Variants in MYRIP observed in about 807,000 individuals in gnomAD.
The protein encoded by MYRIP is rab effector MyRIP.
MYRIP carries 49 observed loss-of-function variants against 98.0 expected under a neutral mutation model. That is an observed-to-expected ratio of 0.50 (90% confidence interval 0.40 to 0.63). The LOEUF (loss-of-function observed/expected upper bound fraction) is 0.63, where lower values mean the gene tolerates loss of function less well. Ranked by LOEUF, MYRIP falls within the 30% of genes least tolerant of loss-of-function variation. The probability of loss-of-function intolerance (pLI) is 0.00; values close to 1 mark genes in which losing one functional copy is unlikely to be tolerated. For synonymous variants in MYRIP, 404 were observed against 409.5 expected (o/e 0.99, Z 0.16); for missense variants, 1,004 against 1,058.2 (o/e 0.95, Z 0.71).
chr3:40,164,027 A>T (rs1950453411), intron 5 of MYRIP, among the ~76,000 whole-genome samples: 1 of 152,058 alleles, frequency 6.6e-6, no homozygotes, highest in Admixed American at 6.6e-5. Flanking sequence ...CTACACTCAG[A>T]TTTCTAATGC....
intron 2 of MYRIP, among the ~76,000 whole-genome samples, chr3:39,974,193 A>G (rs1235536925): frequency 2.6e-5 from 4 of 152,170 alleles, no homozygotes; most frequent in African/African-American, 9.7e-5. Context: ...AATCAAATAG[A>G]CGCAATAAAA....
Position 40,233,983 on chromosome 3 carries a change from A to T in MYRIP, c.2030A>T (p.Gln677Leu). 6.2e-7 allele frequency: 1 copy of T among 1,613,582 alleles called. No individual in the cohort carries two copies. The highest frequency in any genetic ancestry group is 1.1e-5 in the South Asian group (1 of 90,882). Residue 677 changes from glutamine (Q) to leucine (L), a missense_variant, in exon 12 of 17, where the codon CAG becomes CTG. Gln to Leu is a moderately radical substitution (Grantham distance 113, BLOSUM62 -2). Coordinates refer to ENST00000302541, the MANE Select transcript of MYRIP (RefSeq NM_015460.4). ...TCCCCACAAGTCCCTCCTGACAGAC[A>T]GAAGGGGATGTTTCCTCGTGGGACA... Reference protein sequence around the residue: ...WESPQVPPDRQKGMFPRGTDQ... With the variant: ...WESPQVPPDRLKGMFPRGTDQ...
chr3:39,946,799 G>T (rs1165324629), intron 2 of MYRIP, among the ~76,000 whole-genome samples: 1 of 152,150 alleles, frequency 6.6e-6, no homozygotes, highest in Non-Finnish European at 1.5e-5. Context: ...ATGACCCATG[G>T]AAACTGAGGG....
Position 40,035,624 on chromosome 3 carries a change from G to A in MYRIP, c.111-8426G>A, listed in dbSNP as rs542188280. 1.3e-4 allele frequency among the ~76,000 whole-genome samples: 20 copies of A among 152,016 alleles called. No homozygotes were observed. The South Asian group carries it at 3.7e-3, about 28-fold the overall frequency. ...CAATTATTTTTAGAAAAAAGTATAGGAACCAAGGAATGAATGGCACCAAGG... is the reference window on the plus strand; with the variant it reads ...CAATTATTTTTAGAAAAAAGTATAGAAACCAAGGAATGAATGGCACCAAGG... On this transcript the variant is annotated intron_variant, in intron 2 of 16. Coordinates refer to ENST00000302541, the MANE Select transcript of MYRIP (RefSeq NM_015460.4).
chr3:40,099,413 C>G (rs1040516589), intron 3 of MYRIP, among the ~76,000 whole-genome samples: 2 of 151,854 alleles, frequency 1.3e-5, no homozygotes, highest in Middle Eastern at 3.2e-3. Context: ...TTTATGAAAC[C>G]AGGGTGAAGG....
intron 4 of MYRIP, among the ~76,000 whole-genome samples, chr3:40,159,321 C>T (rs1282066793): frequency 1.3e-5 from 2 of 152,000 alleles, no homozygotes; most frequent in South Asian, 2.1e-4. Flanking sequence ...TGAATATTGG[C>T]CCCCACTCTC....
intron 11 of MYRIP, among the ~76,000 whole-genome samples, chr3:40,232,286 G>A (rs571262313): frequency 1.3e-5 from 2 of 152,204 alleles, no homozygotes; most frequent in Non-Finnish European, 2.9e-5. Flanking sequence ...CCCCAGAACG[G>A]CTTGACAGGT....
chr3:40,017,547 G>T (rs771384786), intron 2 of MYRIP, among the ~76,000 whole-genome samples: 3 of 152,034 alleles, frequency 2.0e-5, no homozygotes, highest in Admixed American at 6.5e-5. Flanking sequence ...ATCTCTGTTT[G>T]TTTTGCTTGA....
intron 1 of MYRIP, among the ~76,000 whole-genome samples, chr3:39,845,813 C>G (rs1485478829): frequency 6.8e-6 from 1 of 147,612 alleles, no homozygotes; most frequent in Non-Finnish European, 1.5e-5. Flanking sequence ...GAGCAGTTGC[C>G]CTGCAGCACT....
chr3:40,039,502 A>G (rs191182975), intron 2 of MYRIP, among the ~76,000 whole-genome samples: 2 of 152,210 alleles, frequency 1.3e-5, no homozygotes, highest in Admixed American at 1.3e-4. Context: ...GGATCTTGCA[A>G]CATGAAGATC....
chr3:40,105,250 C>T (rs1949030594), intron 3 of MYRIP, among the ~76,000 whole-genome samples: 2 of 152,140 alleles, frequency 1.3e-5, no homozygotes, highest in Admixed American at 1.3e-4. Flanking sequence ...CCAGCTGAGC[C>T]ATCTCCTAAA....
rs1951682360 is a variant in MYRIP at position 40,204,002 on chromosome 3, ATATAT to A, written c.1666-5846_1666-5842del. Among the ~76,000 whole-genome samples, 2 of 5,528 alleles carry A rather than the reference ATATAT, an allele frequency of 3.6e-4. 1 individual carries two copies. The highest frequency in any genetic ancestry group is 9.5e-4 in the African/African-American group (2 of 2,106). 3.6% of individuals were successfully genotyped at this position (5,528 alleles called of 152,430 possible). A position where few individuals can be genotyped will look rare whatever the true frequency, so the allele number is the denominator to read the frequency against. On this transcript the variant is annotated intron_variant, in intron 10 of 16. Transcript: ENST00000302541. Reference sequence around the variant, plus strand: ...ATATATAATATATATTATATATATTATATATTATATATAATATATATTATATATAT... The same window carrying A: ...ATATATAATATATATTATATATATTATATATATAATATATATTATATATAT...
intron 10 of MYRIP, among the ~76,000 whole-genome samples, chr3:40,194,606 G>A (rs2261590): frequency 0.87 from 131,434 of 151,634 alleles, 57,275 homozygotes; most frequent in Middle Eastern, 0.95. Flanking sequence ...AAGTTGCAAA[G>A]AAGCCTTTTT....
rs73827326 is a variant in MYRIP, at chr3:40,172,795, G to A, written c.873+2702G>A. On this transcript the variant is annotated intron_variant, in intron 8 of 16. Coordinates refer to ENST00000302541, the MANE Select transcript of MYRIP (RefSeq NM_015460.4). ...CTTCCTTCCCCCACACAGCCAGATG[G>A]CATCAGCTTGCTTCTCTTCTAAGAT... 9.4e-3 allele frequency among the ~76,000 whole-genome samples: 1,430 copies of A among 152,212 alleles called. 26 individuals carry two copies. The highest frequency in any genetic ancestry group is 0.032 in the African/African-American group (1,309 of 41,534).
intron 1 of MYRIP, among the ~76,000 whole-genome samples, chr3:39,872,620 G>A (rs1349613345): frequency 6.6e-6 from 1 of 151,648 alleles, no homozygotes; most frequent in Non-Finnish European, 1.5e-5. Context: ...AGTTTACTGA[G>A]AATGATGATT....
chr3:39,938,867 G>T (rs1237143422), intron 2 of MYRIP, among the ~76,000 whole-genome samples: 1 of 152,108 alleles, frequency 6.6e-6, no homozygotes, highest in African/African-American at 2.4e-5. Context: ...GCTAAGGCGT[G>T]GAGAGGTGCC....
At chr3:39,866,497 T>C (rs569821366) in intron 1 of MYRIP, among the ~76,000 whole-genome samples, 3 of 151,946 alleles carry the variant, frequency 2.0e-5, no homozygotes, top group African/African-American at 7.2e-5. Flanking sequence ...TGAGACGGAG[T>C]TTCGCTCTTG....
chr3:39,993,620 G>C (rs1307311303), intron 2 of MYRIP, among the ~76,000 whole-genome samples: 1 of 152,142 alleles, frequency 6.6e-6, no homozygotes, highest in East Asian at 1.9e-4. Context: ...CATCATCCTT[G>C]TCACCTCCTC....
At chr3:40,216,782 A>T (rs1952133306) in intron 11 of MYRIP, among the ~76,000 whole-genome samples, 1 of 152,200 alleles carries the variant, frequency 6.6e-6, no homozygotes, top group Non-Finnish European at 1.5e-5. Flanking sequence ...ACTTCAAAGC[A>T]CCAGAATCCC....
Sources: gnomAD v4.1 joint callset for allele counts (sites outside exome capture counted in the v4.1 genomes callset) on GRCh38, gnomAD v4.1.1 for gene constraint, MANE v1.5 for transcripts, NCBI Gene and HGNC (gene_info 2026-07-23, HGNC 2026-07-21) for gene names.